The following IL36G variants were observed in gnomAD, a reference collection of about 807,000 sequenced individuals.
The protein encoded by IL36G is interleukin-36 gamma.
A neutral mutation model predicts 13.5 loss-of-function variants in IL36G; 10 were observed. That is an observed-to-expected ratio of 0.74 (90% CI 0.46 to 1.26). The LOEUF (loss-of-function observed/expected upper bound fraction) is 1.26. Among genes scored for constraint, IL36G ranks in the 50% most tolerant of loss-of-function variants. The pLI, the probability that IL36G is intolerant of heterozygous loss-of-function variation, is 0.00. For synonymous variants in IL36G, 84 were observed against 74.0 expected (o/e 1.13, Z -0.69); for missense variants, 199 against 203.0 (o/e 0.98, Z 0.12).
intron 4 of IL36G, among the ~76,000 whole-genome samples, chr2:112,984,378 AT>A (rs1684316040): frequency 6.6e-6 from 1 of 151,990 alleles, no homozygotes; most frequent in Non-Finnish European, 1.5e-5. Context: ...GGTCTTTTTC[AT>A]TGGTATTTAT....
chr2:112,979,090 G>A (rs1684215203), intron 2 of IL36G, 131 bp from the exon 3 acceptor site: 1 of 642,278 alleles, frequency 1.6e-6, no homozygotes. Context: ...TGATGTGAGT[G>A]CTGTCAGTTT....
chr2:112,981,193 C>T, intron 4 of IL36G: 1 of 1,235,720 alleles, frequency 8.1e-7, no homozygotes, highest in South Asian at 1.2e-5. Flanking sequence ...CTTCAGCTTT[C>T]TGTGCCTTCC....
chr2:112,984,451 C>T (rs923367900), intron 4 of IL36G, among the ~76,000 whole-genome samples: 4 of 152,252 alleles, frequency 2.6e-5, no homozygotes, highest in Non-Finnish European at 2.9e-5. Flanking sequence ...TCCTTTGTCA[C>T]GCCGGTGGTT....
chr2:112,982,722 G>A (rs767000502), intron 4 of IL36G, among the ~76,000 whole-genome samples: 34 of 152,146 alleles, frequency 2.2e-4, no homozygotes, highest in Non-Finnish European at 3.8e-4. Context: ...TATGTTGTGC[G>A]TTTGTTCTCA....
rs17042686 is a variant in IL36G, at chr2:112,979,417, G to C, written c.160+92G>C. On this transcript the variant is annotated intron_variant, in intron 3 of 4. Transcript: ENST00000259205. ...TTTGTAAAAGTGTGACTTTACAATG[G>C]GGCCCACCAGGAGTGGGGAGAATTT... 589 of 722,714 alleles carry C rather than the reference G, an allele frequency of 8.1e-4. 4 individuals are homozygous for C. In the African/African-American group the frequency reaches 9.0e-3, roughly 11 times the overall value. 44.8% of individuals were successfully genotyped at this position (722,714 alleles called of 1,614,324 possible). A position where few individuals can be genotyped will look rare whatever the true frequency, so the allele number is the denominator to read the frequency against.
At chr2:112,978,721 T>C (rs777867952) in intron 2 of IL36G, 28 bp downstream of exon 2, 1 of 1,610,728 alleles carries the variant, frequency 6.2e-7, no homozygotes. Flanking sequence ...GGGATGGGGC[T>C]CTGGAGGCTT....
chr2:112,981,407 C>A, intron 4 of IL36G: 1 of 721,136 alleles, frequency 1.4e-6, no homozygotes, highest in South Asian at 1.4e-5. Flanking sequence ...TCTCCTTCAG[C>A]ATCCCCTTCA....
chr2:112,985,211 T>C lies in IL36G; in HGVS notation c.*162T>C. On this transcript the variant is annotated 3_prime_UTR_variant, in exon 5 of 5. Coordinates refer to ENST00000259205, the MANE Select transcript of IL36G (RefSeq NM_019618.4). ...TAATGAAGAAGAAGCAATTACTTCA[T>C]AGCAACTGAAGAACAGGATGTGGCC... is the stretch of plus-strand genomic sequence containing the variant. The C allele has an allele frequency of 1.2e-5, 7 of 608,504 alleles. No homozygotes were observed. The highest frequency in any genetic ancestry group is 6.0e-5 in the South Asian group (3 of 49,948). 37.7% of individuals were successfully genotyped at this position (608,504 alleles called of 1,614,324 possible). A position where few individuals can be genotyped will look rare whatever the true frequency, so the allele number is the denominator to read the frequency against.
chr2:112,984,855 G>A lies in IL36G; in HGVS notation c.316G>A (p.Asp106Asn). ...TLQLKEQKIMDLYGQPEPVKP... is the reference protein window; with the variant it reads ...TLQLKEQKIMNLYGQPEPVKP... ...GACATTTCAGGAGCAGAAGATCATG[G>A]ATCTGTATGGCCAACCCGAGCCCGT... Residue 106 changes from aspartate to asparagine, a missense_variant, in exon 5 of 5, where the codon GAT (aspartate) becomes AAT (asparagine). Asp to Asn is a conservative substitution (Grantham distance 23, BLOSUM62 1). Transcript: ENST00000259205. 1.2e-6 allele frequency: 2 copies of A among 1,614,048 alleles called. No homozygotes were observed. The highest frequency in any genetic ancestry group is 1.1e-5 in the South Asian group (1 of 91,066).
intron 3 of IL36G, 134 bp downstream of exon 3, chr2:112,979,459 G>C (rs1357490691): frequency 6.5e-6 from 4 of 611,252 alleles, no homozygotes; most frequent in Non-Finnish European, 5.9e-6. Context: ...TAATTGGGAA[G>C]AGAAGTCAGG....
intron 4 of IL36G, among the ~76,000 whole-genome samples, chr2:112,984,010 G>T (rs971228791): frequency 3.3e-5 from 5 of 152,122 alleles, no homozygotes; most frequent in African/African-American, 1.2e-4. Context: ...CTTGCTCCTG[G>T]GTTAGATGTT....
At chr2:112,978,517 G>A (rs1029204439) in intron 1 of IL36G, 103 bp from the exon 2 acceptor site, 75 of 919,460 alleles carry the variant, frequency 8.2e-5, no homozygotes, top group Non-Finnish European at 1.3e-4. Context: ...GTCAGGCCAG[G>A]TTTCCCAGCT....
chr2:112,981,220 AT>A lies in IL36G; in HGVS notation c.300+1076del. On this transcript the variant is annotated intron_variant, in intron 4 of 4. Coordinates refer to ENST00000259205, the MANE Select transcript of IL36G (RefSeq NM_019618.4). ...GTGCCTTCCCTGTTTTGGCATCTCT[AT>A]TTTCTGCAGAGTTATTCCCCTCCTT... 8 of 1,340,226 alleles carry A rather than the reference AT, an allele frequency of 6.0e-6. No individual in the cohort carries two copies. The South Asian group carries it at 9.3e-5, about 16-fold the overall frequency. The allele number at this position is 1,340,226 out of a possible 1,614,324, so 83.0% of individuals were successfully genotyped here. A position where few individuals can be genotyped will look rare whatever the true frequency, so the allele number is the denominator to read the frequency against.
intron 3 of IL36G, among the ~76,000 whole-genome samples, 168 bp downstream of exon 3, chr2:112,979,493 T>C (rs1684225390): frequency 2.6e-5 from 4 of 152,152 alleles, no homozygotes; most frequent in Non-Finnish European, 5.9e-5. Flanking sequence ...TCCACTAAGA[T>C]GAAGAAGCCA....
rs1360885955 is a variant in IL36G at position 112,980,759 on chromosome 2, C to G, written c.300+611C>G. Among the ~76,000 whole-genome samples the G allele has an allele frequency of 2.0e-5, 3 of 152,188 alleles. No individual in the cohort carries two copies. The South Asian group carries it at 6.2e-4, about 31-fold the overall frequency. ...ATACTGGTAACCAATGATTGAGGGC[C>G]AGGTCCCAACAGATGTCTGGCTTAA... On this transcript the variant is annotated intron_variant, in intron 4 of 4. Coordinates refer to ENST00000259205, the MANE Select transcript of IL36G (RefSeq NM_019618.4).
chr2:112,985,022 T>A lies in IL36G; in HGVS notation c.483T>A (p.Thr161=), dbSNP rs1321798987. The change falls in exon 5 of 5, where the codon ACT becomes ACA. Residue 161 remains threonine, a synonymous_variant. Transcript: ENST00000259205. The part of the protein sequence containing the change: ...LTSELGKSYN[T]AFELNIND Reference sequence around the variant, plus strand: ...CAGAACTTGGGAAGTCATACAACACTGCCTTTGAATTAAATATAAATGACT... The same window carrying A: ...CAGAACTTGGGAAGTCATACAACACAGCCTTTGAATTAAATATAAATGACT... 1 of 1,613,844 alleles carries A rather than the reference T, an allele frequency of 6.2e-7. No homozygotes were observed. The highest frequency in any genetic ancestry group is 1.7e-5 in the Admixed American group (1 of 60,000).
rs763340472 is a variant in IL36G at position 112,985,466 on chromosome 2, C to A, written c.*417C>A. 1.3e-4 allele frequency: 22 copies of A among 173,998 alleles called. No individual in the cohort carries two copies. Among genetic ancestry groups the A allele is most frequent in the Non-Finnish European group, 2.5e-4 (20 of 79,888 alleles). The allele number at this position is 173,998 out of a possible 1,614,324, so 10.8% of individuals were successfully genotyped here. A position where few individuals can be genotyped will look rare whatever the true frequency, so the allele number is the denominator to read the frequency against. ...GCTTTATTCCCTCTTGGGATGATAT[C>A]ATCCAGTCTTTATATGTTGCCAATA... On this transcript the variant is annotated 3_prime_UTR_variant, in exon 5 of 5. Coordinates refer to ENST00000259205, the MANE Select transcript of IL36G (RefSeq NM_019618.4).
At chr2:112,981,385 C>A in intron 4 of IL36G, 1 of 735,490 alleles carries the variant, frequency 1.4e-6, no homozygotes. Flanking sequence ...GTTCGTCCTT[C>A]ACCTTGGCTT....
chr2:112,982,759 G>A (rs1261891393), intron 4 of IL36G, among the ~76,000 whole-genome samples: 9 of 152,278 alleles, frequency 5.9e-5, no homozygotes, highest in African/African-American at 1.4e-4. Flanking sequence ...TGACTGTTGC[G>A]TTTGGCAATG....
Sources: allele counts gnomAD v4.1 joint callset (sites outside exome capture counted in the v4.1 genomes callset), GRCh38; gene constraint gnomAD v4.1.1; transcripts MANE v1.5; gene names NCBI Gene and HGNC (gene_info 2026-07-23, HGNC 2026-07-21).